MEGF11: variants seen among roughly 807,000 people sequenced by gnomAD.
MEGF11 encodes multiple EGF like domains 11, also known as multiple epidermal growth factor-like domains protein 11.
Under a neutral mutation model 146.6 loss-of-function variants are expected in MEGF11, and 126 were observed. The ratio of observed to expected loss-of-function variants is 0.86; its 90% CI spans 0.74 to 1.00. The LOEUF (loss-of-function observed/expected upper bound fraction) is 1.00, where lower values mean the gene tolerates loss of function less well. MEGF11 is among the 50% of genes least tolerant of loss of function. The pLI is 0.00. For synonymous variants in MEGF11, 532 were observed against 583.4 expected (o/e 0.91, Z 1.27); for missense variants, 1,509 against 1,521.2 (o/e 0.99, Z 0.13).
chr15:66,162,051 G>A (rs943449956), intron 1 of MEGF11, among the ~76,000 whole-genome samples: 11 of 152,106 alleles, frequency 7.2e-5, no homozygotes, highest in African/African-American at 4.8e-5. Context: ...TGAGGCCCAC[G>A]GAATTGATCC....
At chr15:66,206,940 T>C (rs2091314956) in intron 1 of MEGF11, among the ~76,000 whole-genome samples, 1 of 151,836 alleles carries the variant, frequency 6.6e-6, no homozygotes, top group Admixed American at 6.6e-5. Flanking sequence ...CTAGAAGAGC[T>C]CAGCAGCAGC....
At chr15:65,898,281 C>T in intron 25 of MEGF11, 187 bp from the exon 26 acceptor site, 1 of 985,374 alleles carries the variant, frequency 1.0e-6, no homozygotes, top group South Asian at 4.7e-5. Flanking sequence ...CTGTCAACAT[C>T]CAAGCCTCTC....
chr15:66,177,418 A>G (rs2090414318), intron 1 of MEGF11, among the ~76,000 whole-genome samples: 1 of 152,146 alleles, frequency 6.6e-6, no homozygotes, highest in South Asian at 2.1e-4. Context: ...ATCTCCTTTT[A>G]CATCATGTAT....
chr15:66,043,212 TA>T (rs2084058857), intron 5 of MEGF11, among the ~76,000 whole-genome samples: 1 of 152,228 alleles, frequency 6.6e-6, no homozygotes, highest in Non-Finnish European at 1.5e-5. Flanking sequence ...ACATAGTAGG[TA>T]TTCAACAGTG....
chr15:66,117,473 C>T (rs903923148), intron 4 of MEGF11, among the ~76,000 whole-genome samples: 36 of 152,152 alleles, frequency 2.4e-4, no homozygotes, highest in Admixed American at 2.0e-4. Flanking sequence ...AGCACTTCTG[C>T]CCTGCTCTTC....
At chr15:66,196,197 C>T (rs964498513) in intron 1 of MEGF11, among the ~76,000 whole-genome samples, 2 of 151,984 alleles carry the variant, frequency 1.3e-5, no homozygotes, top group African/African-American at 4.8e-5. Context: ...TGGGGTCAGG[C>T]GTGGTGGCTC....
At chr15:66,168,006 C>T (rs1378547922) in intron 1 of MEGF11, among the ~76,000 whole-genome samples, 2 of 152,180 alleles carry the variant, frequency 1.3e-5, no homozygotes, top group East Asian at 3.9e-4. Flanking sequence ...CTAGGCCAGG[C>T]TCCTCCCAGC....
intron 5 of MEGF11, among the ~76,000 whole-genome samples, chr15:66,061,161 T>G (rs935197506): frequency 1.3e-5 from 2 of 152,192 alleles, no homozygotes; most frequent in Non-Finnish European, 2.9e-5. Context: ...GGCTGTCACC[T>G]CAAAACCTGG....
chr15:66,107,113 C>T (rs1332293042), intron 4 of MEGF11, among the ~76,000 whole-genome samples: 1 of 151,760 alleles, frequency 6.6e-6, no homozygotes, highest in Non-Finnish European at 1.5e-5. Flanking sequence ...CAACGAGGGA[C>T]CCTGCTCCTA....
At chr15:66,236,197 T>TGTTCTGGA (rs2092087140) in intron 1 of MEGF11, among the ~76,000 whole-genome samples, 2 of 152,150 alleles carry the variant, frequency 1.3e-5, no homozygotes, top group Admixed American at 6.5e-5. Context: ...CAGCACTGTG[T>TGTTCTGGA]GTTCTGGAGG....
chr15:66,091,711 T>C (rs1371017281), intron 5 of MEGF11, among the ~76,000 whole-genome samples: 1 of 152,210 alleles, frequency 6.6e-6, no homozygotes, highest in Non-Finnish European at 1.5e-5. Context: ...AAATTCAATA[T>C]ATAGTAGCTA....
At chr15:66,187,950 C>T (rs924942592) in intron 1 of MEGF11, among the ~76,000 whole-genome samples, 8 of 152,188 alleles carry the variant, frequency 5.3e-5, no homozygotes, top group Non-Finnish European at 1.0e-4. Context: ...AGGGGTATCT[C>T]GTCTGCAACT....
At chr15:65,899,051 G>A in intron 24 of MEGF11, 117 bp from the exon 25 acceptor site, 1 of 966,688 alleles carries the variant, frequency 1.0e-6, no homozygotes. Flanking sequence ...GGAAAAGCCA[G>A]GATAATCCAA....
At chr15:66,083,683 G>T (rs1324160483) in intron 5 of MEGF11, among the ~76,000 whole-genome samples, 1 of 152,104 alleles carries the variant, frequency 6.6e-6, no homozygotes, top group Non-Finnish European at 1.5e-5. Context: ...ATAGGCTGAG[G>T]TGGGGGCATT....
At chr15:66,230,413 C>CA (rs1323626640) in intron 1 of MEGF11, among the ~76,000 whole-genome samples, 3 of 152,194 alleles carry the variant, frequency 2.0e-5, no homozygotes, top group African/African-American at 7.2e-5. Context: ...CAGCTTCTTA[C>CA]AAATGGAGGT....
intron 4 of MEGF11, among the ~76,000 whole-genome samples, chr15:66,118,478 T>C (rs1308376783): frequency 6.6e-6 from 1 of 152,014 alleles, no homozygotes; most frequent in African/African-American, 2.4e-5. Context: ...TCTAAGCAAA[T>C]AGGAAAAGAG....
intron 5 of MEGF11, among the ~76,000 whole-genome samples, chr15:66,025,535 G>A (rs1364927636): frequency 6.6e-6 from 1 of 152,070 alleles, no homozygotes; most frequent in African/African-American, 2.4e-5. Context: ...CAAGTCCTAG[G>A]TCTTAAAAGC....
chr15:65,906,023 A>G, intron 24 of MEGF11, 62 bp downstream of exon 24: 2 of 1,395,872 alleles, frequency 1.4e-6, no homozygotes, highest in Non-Finnish European at 2.0e-6. Flanking sequence ...TGGCCATTTC[A>G]GATCTGCACT....
chr15:66,071,376 C>T (rs1224956438), intron 5 of MEGF11, among the ~76,000 whole-genome samples: 1 of 152,248 alleles, frequency 6.6e-6, no homozygotes, highest in Non-Finnish European at 1.5e-5. Context: ...TTCCAAGGTG[C>T]ATGGGAAGCC....
Sources: allele counts gnomAD v4.1 joint callset (sites outside exome capture counted in the v4.1 genomes callset), GRCh38; gene constraint gnomAD v4.1.1; transcripts MANE v1.5; gene names NCBI Gene and HGNC (gene_info 2026-07-23, HGNC 2026-07-21).